The following ZBTB49 variants were observed in gnomAD, a reference collection of about 807,000 sequenced individuals.
ZBTB49 encodes the protein zinc finger and BTB domain-containing protein 49.
Under a neutral mutation model 57.5 loss-of-function variants are expected in ZBTB49, and 43 were observed. That is an observed-to-expected ratio of 0.75 (90% confidence interval 0.59 to 0.97). The LOEUF is 0.97. Among genes scored for constraint, ZBTB49 ranks in the 50% least tolerant of loss-of-function variants. The pLI, the probability that ZBTB49 is intolerant of heterozygous loss-of-function variation, is 0.00. For missense variants in ZBTB49, 938 were observed against 947.7 expected, an observed-to-expected ratio of 0.99 and a Z score of 0.13; for synonymous variants, 369 against 362.1, an observed-to-expected ratio of 1.02 and a Z score of -0.22.
rs1431834249 is a variant in ZBTB49 at position 4,299,778 on chromosome 4, T to TGTGTGTGTGA, written c.-19-140_-19-139insAGTGTGTGTG. ...GGTCTAGATGCCTCAGAAACAGAGG[T>TGTGTGTGTGA]GTGTGTGTGTGTGTGTGTGTGTGTG... On this transcript the variant is annotated intron_variant, in intron 1 of 7. Transcript: ENST00000337872. 22 of 517,910 alleles carry TGTGTGTGTGA rather than the reference T, an allele frequency of 4.2e-5. No homozygotes were observed. The East Asian group carries it at 7.8e-4, about 18-fold the overall frequency. 32.1% of individuals were successfully genotyped at this position (517,910 alleles called of 1,614,324 possible).
chr4:4,303,903 G>A (rs189995535), intron 3 of ZBTB49, among the ~76,000 whole-genome samples: 20 of 151,984 alleles, frequency 1.3e-4, no homozygotes, highest in Admixed American at 9.8e-4. Flanking sequence ...TACCTTATAG[G>A]CATGAGAAGT....
At chr4:4,298,228 T>C (rs78326284) in intron 1 of ZBTB49, among the ~76,000 whole-genome samples, 9,740 of 152,118 alleles carry the variant, frequency 0.064, 825 homozygotes, top group East Asian at 0.32. Context: ...ACATAGGTGG[T>C]TTGGGGAGCT....
Position 4,306,120 on chromosome 4 carries a change from T to A in ZBTB49, c.1256-18T>A. 6.2e-7 allele frequency: 1 copy of A among 1,605,770 alleles called. No homozygotes were observed. The highest frequency in any genetic ancestry group is 8.5e-7 in the Non-Finnish European group (1 of 1,176,088). On this transcript the variant is annotated intron_variant, in intron 3 of 7. Coordinates refer to ENST00000337872, the MANE Select transcript of ZBTB49 (RefSeq NM_145291.4). Reference sequence around the variant, plus strand: ...TACTAGTAATGATTTTACAAGTTGTTGTTTTGTTTTGTTTTAGGTGAGAAA... The same window carrying A: ...TACTAGTAATGATTTTACAAGTTGTAGTTTTGTTTTGTTTTAGGTGAGAAA...
Position 4,320,767 on chromosome 4 carries a change from G to A in ZBTB49, c.1749G>A (p.Lys583=), listed in dbSNP as rs1298342143. 6.2e-7 allele frequency: 1 copy of A among 1,614,224 alleles called. No homozygotes were observed. Among genetic ancestry groups the A allele is most frequent in the East Asian group, 2.2e-5 (1 of 44,882 alleles). The change falls in exon 8 of 8, where the codon AAG becomes AAA. Residue 583 remains lysine, a synonymous_variant. Coordinates refer to ENST00000337872, the MANE Select transcript of ZBTB49 (RefSeq NM_145291.4). The part of the protein sequence containing the change: ...TRSAVLRRHK[K]MHCKAGDESP... Reference sequence around the variant, plus strand: ...CTGCGGTGCTCCGGCGGCACAAGAAGATGCACTGCAAAGCTGGTGACGAGA... The same window carrying A: ...CTGCGGTGCTCCGGCGGCACAAGAAAATGCACTGCAAAGCTGGTGACGAGA...
At chr4:4,310,263 T>A (rs1017432310) in intron 4 of ZBTB49, among the ~76,000 whole-genome samples, 3 of 152,200 alleles carry the variant, frequency 2.0e-5, no homozygotes, top group South Asian at 4.1e-4. Context: ...ATCGTTAACA[T>A]AGGTTTAACA....
At position 4,321,025 on chromosome 4, in the gene ZBTB49, G is replaced by C. The variant is rs1325547004; in HGVS notation, c.2007G>C (p.Lys669Asn). 2 of 1,614,090 alleles carry C rather than the reference G, an allele frequency of 1.2e-6. No homozygotes were observed. The highest frequency in any genetic ancestry group is 1.7e-6 in the Non-Finnish European group (2 of 1,180,050). ...CTCATGGAGTTAGTGACCAGGAGAAGCTGAGTTTGGATCCTGGTAAACTTG... is the reference window on the plus strand; with the variant it reads ...CTCATGGAGTTAGTGACCAGGAGAACCTGAGTTTGGATCCTGGTAAACTTG... ...IQPHGVSDQEKLSLDPGKLAK... is the reference protein window; with the variant it reads ...IQPHGVSDQENLSLDPGKLAK... The change falls in exon 8 of 8, where the codon AAG becomes AAC. Residue 669 changes from lysine to asparagine, a missense_variant. Lys to Asn is a moderately conservative substitution (Grantham distance 94, BLOSUM62 0). Around this residue, in one of 3 missense-constraint regions of ZBTB49, gnomAD observed 835 missense variants for 819.1 expected, o/e 1.02. Coordinates refer to ENST00000337872, the MANE Select transcript of ZBTB49 (RefSeq NM_145291.4).
rs991679935 is a variant in ZBTB49 at position 4,300,753 on chromosome 4, C to A, written c.152+656C>A. ...CCGTGGTCATGCCACTGTACTCCAG[C>A]CTGAGCAACAGAGGGAGACTCTGTC... On this transcript the variant is annotated intron_variant, in intron 2 of 7. Coordinates refer to ENST00000337872, the MANE Select transcript of ZBTB49 (RefSeq NM_145291.4). 2.0e-5 allele frequency among the ~76,000 whole-genome samples: 3 copies of A among 150,950 alleles called. No individual in the cohort carries two copies. In the East Asian group the frequency reaches 5.8e-4, roughly 29 times the overall value.
chr4:4,305,039 C>G (rs559931510), intron 3 of ZBTB49, among the ~76,000 whole-genome samples: 2 of 152,262 alleles, frequency 1.3e-5, no homozygotes, highest in East Asian at 1.9e-4. Context: ...TGACCTCTCT[C>G]TCTTTTCAAA....
At chr4:4,303,376 A>G (rs1395041410) in intron 3 of ZBTB49, among the ~76,000 whole-genome samples, 1 of 152,256 alleles carries the variant, frequency 6.6e-6, no homozygotes, top group Non-Finnish European at 1.5e-5. Context: ...TAAAGAAAGT[A>G]TAGTAATTTT....
At chr4:4,297,888 C>T (rs1720288626) in intron 1 of ZBTB49, among the ~76,000 whole-genome samples, 1 of 152,064 alleles carries the variant, frequency 6.6e-6, no homozygotes, top group Admixed American at 6.6e-5. Flanking sequence ...GAACCAAAGG[C>T]TTTCAGAGGA....
Position 4,302,576 on chromosome 4 carries a change from C to T in ZBTB49, c.740C>T (p.Thr247Ile). 2 of 1,614,054 alleles carry T rather than the reference C, an allele frequency of 1.2e-6. No homozygotes were observed. The highest frequency in any genetic ancestry group is 1.7e-6 in the Non-Finnish European group (2 of 1,179,966). ...VEQPFAFSTS[T>I]DLTTVESQPC... ...CAGCCTTTTGCTTTCAGCACCTCTACAGACCTTACCACGGTAGAGAGCCAG... is the reference window on the plus strand; with the variant it reads ...CAGCCTTTTGCTTTCAGCACCTCTATAGACCTTACCACGGTAGAGAGCCAG... Residue 247 changes from threonine (T) to isoleucine (I), a missense_variant, in exon 3 of 8, where the codon ACA becomes ATA. Physicochemically the swap from Thr to Ile is moderately conservative, Grantham distance 89. Coordinates refer to ENST00000337872, the MANE Select transcript of ZBTB49 (RefSeq NM_145291.4).
At position 4,301,866 on chromosome 4, in the gene ZBTB49, T is replaced by A. The variant is rs962465201; in HGVS notation, c.153-123T>A. The A allele has an allele frequency of 5.7e-5, 57 of 1,000,104 alleles. No individual in the cohort carries two copies. The African/African-American group carries it at 8.9e-4, about 16-fold the overall frequency. 62.0% of individuals were successfully genotyped at this position (1,000,104 alleles called of 1,614,324 possible). On this transcript the variant is annotated intron_variant, in intron 2 of 7. Transcript: ENST00000337872. ...GTTTTAAAGGATTAAAATGTACTTATGTTAAAAGTTTTGACATTCACAGAA... is the reference window on the plus strand; with the variant it reads ...GTTTTAAAGGATTAAAATGTACTTAAGTTAAAAGTTTTGACATTCACAGAA...
In ZBTB49 at chr4:4,321,270, G is replaced by A. The variant is rs143681534; in HGVS notation, c.2252G>A (p.Gly751Glu). 1.9e-6 allele frequency: 3 copies of A among 1,613,692 alleles called. No homozygotes were observed. The highest frequency in any genetic ancestry group is 2.7e-5 in the African/African-American group (2 of 74,916). Residue 751 changes from glycine to glutamate, a missense_variant, in exon 8 of 8, where the codon GGG becomes GAG. Gly to Glu is a moderately conservative substitution (Grantham distance 98). Coordinates refer to ENST00000337872, the MANE Select transcript of ZBTB49 (RefSeq NM_145291.4). ...TTTTTCTCCAGCATGACTCTCTGGG[G>A]GCTAGCGATGAAGACGCTGCAGAAT... Reference protein sequence around the residue: ...GQFFSSMTLWGLAMKTLQNEN... With the variant: ...GQFFSSMTLWELAMKTLQNEN...
At chr4:4,306,360 T>C (rs1243418344) in intron 4 of ZBTB49, among the ~76,000 whole-genome samples, 176 bp downstream of exon 4, 1 of 152,256 alleles carries the variant, frequency 6.6e-6, no homozygotes, top group Admixed American at 6.5e-5. Context: ...TCTAGTTCTT[T>C]GAGAGAAAAA....
Position 4,315,957 on chromosome 4 carries a change from C to T in ZBTB49, c.1608C>T (p.Ser536=). The T allele has an allele frequency of 6.2e-7, 1 of 1,613,920 alleles. No homozygotes were observed. Among genetic ancestry groups the T allele is most frequent in the Non-Finnish European group, 8.5e-7 (1 of 1,179,982 alleles). ...RIRHTGERPY[S]CSACGKCFGG... is the part of the protein sequence containing the mutation. ...GGCACACGGGGGAGCGGCCTTACAG[C>T]TGCTCTGCCTGCGGTGAGTTTGGGT... Residue 536 remains serine (S), a synonymous_variant, in exon 7 of 8, where the codon AGC becomes AGT. Coordinates refer to ENST00000337872, the MANE Select transcript of ZBTB49 (RefSeq NM_145291.4).
intron 1 of ZBTB49, among the ~76,000 whole-genome samples, chr4:4,293,148 A>T (rs921882544): frequency 2.0e-5 from 3 of 152,232 alleles, no homozygotes; most frequent in Non-Finnish European, 2.9e-5. Flanking sequence ...TTGAGTGCCT[A>T]TTATGTCAAA....
chr4:4,301,104 T>A (rs1332318928), intron 2 of ZBTB49, among the ~76,000 whole-genome samples: 1 of 152,224 alleles, frequency 6.6e-6, no homozygotes, highest in African/African-American at 2.4e-5. Context: ...ACCTGTTTTT[T>A]CTGTCTTCCC....
At chr4:4,306,954 CTG>C (rs1477990045) in intron 4 of ZBTB49, among the ~76,000 whole-genome samples, 1 of 152,248 alleles carries the variant, frequency 6.6e-6, no homozygotes, top group Non-Finnish European at 1.5e-5. Flanking sequence ...GTGCATGCCT[CTG>C]GAGCTGGGAG....
At chr4:4,320,187 G>A (rs1271747377) in intron 7 of ZBTB49, among the ~76,000 whole-genome samples, 4 of 152,256 alleles carry the variant, frequency 2.6e-5, no homozygotes, top group African/African-American at 7.2e-5. Context: ...GCATGGGCTT[G>A]GCAGGTGCCT....
Sources: gnomAD v4.1 joint callset for allele counts (sites outside exome capture counted in the v4.1 genomes callset) on GRCh38, gnomAD v4.1.1 for gene constraint, gnomAD v4.1.1 regional missense constraint, MANE v1.5 for transcripts, NCBI Gene and HGNC (gene_info 2026-07-23, HGNC 2026-07-21) for gene names.